The following MMRN1 variants were observed in gnomAD, a reference collection of about 807,000 sequenced individuals.
MMRN1 encodes the protein multimerin-1.
MMRN1 carries 94 observed loss-of-function variants against 100.7 expected under a neutral mutation model. The observed-to-expected ratio is 0.93, with a 90% confidence interval of 0.79 to 1.11. The LOEUF is 1.11. Among genes scored for constraint, MMRN1 ranks in the 50% least tolerant of loss-of-function variants. The pLI, the probability that MMRN1 is intolerant of heterozygous loss-of-function variation, is 0.00. For missense variants in MMRN1, 1,606 were observed against 1,439.1 expected (o/e 1.12, Z -1.88); for synonymous variants, 575 against 505.0 (o/e 1.14, Z -1.86).
intron 6 of MMRN1, among the ~76,000 whole-genome samples, chr4:89,944,093 T>G (rs1181120470): frequency 6.6e-6 from 1 of 152,224 alleles, no homozygotes; most frequent in African/African-American, 2.4e-5. Context: ...CATGTTATTA[T>G]GAAGCTATTT....
intron 1 of MMRN1, among the ~76,000 whole-genome samples, chr4:89,904,867 C>T (rs537260492): frequency 1.3e-5 from 2 of 151,498 alleles, no homozygotes; most frequent in African/African-American, 2.4e-5. Context: ...ATAATTGAAC[C>T]GTTAAAACAA....
rs2110637394 is a variant in MMRN1, at chr4:89,936,664, C to A, written c.2984C>A (p.Ala995Glu). 6.2e-7 allele frequency: 1 copy of A among 1,613,466 alleles called. No homozygotes were observed. Reference protein sequence around the residue: ...CIDRSLPGSLANVVKSQKQVK... With the variant: ...CIDRSLPGSLENVVKSQKQVK... ...GATCGATCGTTGCCTGGTAGTCTGG[C>A]AAATGTTGTCAAGTCTCAGAAGCAA... is the stretch of plus-strand genomic sequence containing the variant. The change falls in exon 6 of 8, where the codon GCA becomes GAA. Residue 995 changes from alanine to glutamate, a missense_variant. Coordinates refer to ENST00000264790, the MANE Select transcript of MMRN1 (RefSeq NM_007351.3).
At chr4:89,947,128 A>G (rs951418045) in intron 6 of MMRN1, among the ~76,000 whole-genome samples, 2 of 152,140 alleles carry the variant, frequency 1.3e-5, no homozygotes, top group Non-Finnish European at 2.9e-5. Flanking sequence ...CTAAAAATAC[A>G]AAAAATAGCC....
At chr4:89,885,263 A>G (rs961764551) in intron 1 of MMRN1, among the ~76,000 whole-genome samples, 6 of 151,814 alleles carry the variant, frequency 4.0e-5, no homozygotes, top group African/African-American at 1.5e-4. Context: ...GTGTAAATCA[A>G]CCTTAACTTC....
At chr4:89,900,191 G>A (rs6838943) in intron 1 of MMRN1, among the ~76,000 whole-genome samples, 12,947 of 152,050 alleles carry the variant, frequency 0.085, 1,004 homozygotes, top group East Asian at 0.3. Context: ...ACTGAAAAAT[G>A]CCTTTGATTT....
chr4:89,920,216 T>C (rs1028194424), intron 3 of MMRN1, among the ~76,000 whole-genome samples: 1 of 152,176 alleles, frequency 6.6e-6, no homozygotes, highest in Non-Finnish European at 1.5e-5. Flanking sequence ...TATTTCAATA[T>C]TTTAACAATT....
At chr4:89,930,826 T>G in intron 5 of MMRN1, among the ~76,000 whole-genome samples, 1 of 152,112 alleles carries the variant, frequency 6.6e-6, no homozygotes, top group East Asian at 1.9e-4. Context: ...TCATCAATAT[T>G]TATTGAATAA....
At chr4:89,886,686 C>T (rs1486450106) in intron 1 of MMRN1, among the ~76,000 whole-genome samples, 1 of 152,154 alleles carries the variant, frequency 6.6e-6, no homozygotes, top group South Asian at 2.1e-4. Context: ...TTCTGTCCAT[C>T]TTGGCTTCAT....
intron 6 of MMRN1, among the ~76,000 whole-genome samples, chr4:89,950,613 T>C (rs1723134779): frequency 6.6e-6 from 1 of 152,194 alleles, no homozygotes; most frequent in Non-Finnish European, 1.5e-5. Flanking sequence ...TTAAAACTTT[T>C]AGTGACCTTT....
At chr4:89,943,974 T>C (rs1482769863) in intron 6 of MMRN1, among the ~76,000 whole-genome samples, 1 of 149,286 alleles carries the variant, frequency 6.7e-6, no homozygotes, top group Non-Finnish European at 1.5e-5. Context: ...AGAGCGAGAC[T>C]CTGTCTCAAA....
upstream of MMRN1, among the ~76,000 whole-genome samples, chr4:89,894,518 C>T (rs567253304): frequency 6.6e-6 from 1 of 152,246 alleles, no homozygotes; most frequent in Admixed American, 6.5e-5. Flanking sequence ...AAACTTTTCT[C>T]AGTGTCTTTA....
chr4:89,906,032 T>A (rs1408862646), intron 1 of MMRN1, among the ~76,000 whole-genome samples: 1 of 151,520 alleles, frequency 6.6e-6, no homozygotes, highest in Non-Finnish European at 1.5e-5. Flanking sequence ...TTCTGTGTGG[T>A]CATTATTTAA....
chr4:89,934,627 T>C (rs1401788976), intron 5 of MMRN1, among the ~76,000 whole-genome samples, 183 bp from the exon 6 acceptor site: 2 of 152,122 alleles, frequency 1.3e-5, no homozygotes, highest in South Asian at 2.1e-4. Flanking sequence ...AGATTTATTA[T>C]TCAAGGAATT....
chr4:89,935,186 T>C lies in MMRN1; in HGVS notation c.1506T>C (p.Tyr502=), dbSNP rs772367830. Residue 502 remains tyrosine (Y), a synonymous_variant, in exon 6 of 8, where the codon TAT becomes TAC. Coordinates refer to ENST00000264790, the MANE Select transcript of MMRN1 (RefSeq NM_007351.3). ...AGGAACACTCAAGAAGCATTCTGTA[T>C]TATGAATCCCTCAATAAAACTCTTT... ...LEQEHSRSIL[Y]YESLNKTLSK... The C allele has an allele frequency of 1.2e-6, 2 of 1,613,310 alleles. No individual in the cohort carries two copies. The highest frequency in any genetic ancestry group is 2.2e-5 in the South Asian group (2 of 90,948).
intron 6 of MMRN1, among the ~76,000 whole-genome samples, chr4:89,939,020 T>C (rs948008627): frequency 2.0e-5 from 3 of 152,070 alleles, no homozygotes; most frequent in African/African-American, 7.2e-5. Context: ...CCATGGGCCA[T>C]AGAACAGATG....
chr4:89,947,714 GA>G (rs1435794278), intron 6 of MMRN1, among the ~76,000 whole-genome samples: 3 of 152,160 alleles, frequency 2.0e-5, no homozygotes, highest in African/African-American at 7.2e-5. Flanking sequence ...ATTGGAGTTT[GA>G]TTTTTGTTGG....
At chr4:89,920,105 A>G (rs368780558) in intron 3 of MMRN1, among the ~76,000 whole-genome samples, 1 of 152,168 alleles carries the variant, frequency 6.6e-6, no homozygotes, top group Non-Finnish European at 1.5e-5. Flanking sequence ...TCATGTATCC[A>G]TGATTAACTT....
chr4:89,952,067 A>G (rs1326774854), intron 7 of MMRN1, among the ~76,000 whole-genome samples: 2 of 152,116 alleles, frequency 1.3e-5, no homozygotes, highest in Non-Finnish European at 2.9e-5. Context: ...TATATATCTG[A>G]CTGATAGAAA....
intron 1 of MMRN1, among the ~76,000 whole-genome samples, chr4:89,897,922 AC>A (rs778108685): frequency 5.3e-5 from 8 of 152,192 alleles, no homozygotes; most frequent in Non-Finnish European, 1.2e-4. Flanking sequence ...GCTGAACAGA[AC>A]TTTATCCTCT....
Sources: gnomAD v4.1 joint callset for allele counts (sites outside exome capture counted in the v4.1 genomes callset) on GRCh38, gnomAD v4.1.1 for gene constraint, MANE v1.5 for transcripts, NCBI Gene and HGNC (gene_info 2026-07-23, HGNC 2026-07-21) for gene names.